The following PHF12 variants were observed in gnomAD, a reference collection of about 807,000 sequenced individuals.
The protein encoded by PHF12 is PHD finger protein 12.
Under a neutral mutation model 99.8 loss-of-function variants are expected in PHF12, and 6 were observed. The ratio of observed to expected loss-of-function variants is 0.06; its 90% CI spans 0.03 to 0.12. The LOEUF (loss-of-function observed/expected upper bound fraction) is 0.12. PHF12 is among the 10% of genes least tolerant of loss of function. The pLI is 1.00. For missense variants in PHF12, 954 were observed against 1,300.1 expected (o/e 0.73, Z 4.09); for synonymous variants, 480 against 514.9 (o/e 0.93, Z 0.92).
chr17:28,919,006 G>C, intron 6 of PHF12, 137 bp downstream of exon 6: 4 of 1,088,874 alleles, frequency 3.7e-6, no homozygotes, highest in Non-Finnish European at 5.1e-6. Context: ...TCAGAATTGA[G>C]TAGGGTGGCC....
At chr17:28,919,121 G>A in intron 6 of PHF12, 22 bp downstream of exon 6, 1 of 1,607,032 alleles carries the variant, frequency 6.2e-7, no homozygotes, top group South Asian at 1.1e-5. Flanking sequence ...ATTGAGGACT[G>A]AATGGACACT....
Position 28,906,939 on chromosome 17 carries a change from T to C in PHF12, c.2597A>G (p.Asn866Ser). ...CGAGAAGTCACATGAATACAGCACATTGTCCACCGTTGTCCCATGCTCACT... is the reference window on the plus strand; with the variant it reads ...CGAGAAGTCACATGAATACAGCACACTGTCCACCGTTGTCCCATGCTCACT... ...NYSEHGTTVD[N>S]VLYSCDFSEK... The change falls in exon 14 of 15, where the codon AAT becomes AGT. Residue 866 changes from asparagine (N) to serine (S), a missense_variant. Around this residue, in one of 8 missense-constraint regions of PHF12, gnomAD observed 13 missense variants for 43.2 expected, o/e 0.30. Coordinates refer to ENST00000332830, the MANE Select transcript of PHF12 (RefSeq NM_001033561.2). This position sits in a 1 kb window ranked among gnomAD's most constrained non-coding sequence, Gnocchi z 4.2. 1.9e-6 allele frequency: 3 copies of C among 1,613,404 alleles called. No individual in the cohort carries two copies. Among genetic ancestry groups the C allele is most frequent in the South Asian group, 1.1e-5 (1 of 91,040 alleles).
Position 28,906,784 on chromosome 17 carries a change from C to A in PHF12, c.2680+72G>T. 6.6e-7 allele frequency: 1 copy of A among 1,522,648 alleles called. No homozygotes were observed. Among genetic ancestry groups the A allele is most frequent in the Middle Eastern group, 1.8e-4 (1 of 5,552 alleles). The allele number at this position is 1,522,648 out of a possible 1,614,324, so 94.3% of individuals were successfully genotyped here. On this transcript the variant is annotated intron_variant, in intron 14 of 14. Coordinates refer to ENST00000332830, the MANE Select transcript of PHF12 (RefSeq NM_001033561.2). This position sits in a 1 kb window ranked among gnomAD's most constrained non-coding sequence, Gnocchi z 4.2. ...AGGACTGGGAAGGCAAGAGACAGAC[C>A]ATGGGCAGCAAGTCAGAACCACCCT...
rs1334726911 is a variant in PHF12 at position 28,949,092 on chromosome 17, T to A, written c.248+973A>T. On this transcript the variant is annotated intron_variant, in intron 2 of 14. Coordinates refer to ENST00000332830, the MANE Select transcript of PHF12 (RefSeq NM_001033561.2). The surrounding 1 kb of genome is among the most constrained non-coding windows in gnomAD (Gnocchi z 4.6). ...CGGTTCGGTCTCTCCCCTCCTCTCATGTCCAGTAAGGGGGAAAAAGCGTAC... is the reference window on the plus strand; with the variant it reads ...CGGTTCGGTCTCTCCCCTCCTCTCAAGTCCAGTAAGGGGGAAAAAGCGTAC... Among the ~76,000 whole-genome samples the A allele has an allele frequency of 3.9e-5, 6 of 152,074 alleles. No homozygotes were observed. The highest frequency in any genetic ancestry group is 8.8e-5 in the Non-Finnish European group (6 of 68,006).
At chr17:28,920,694 C>G (rs1480107771) in intron 5 of PHF12, among the ~76,000 whole-genome samples, 1 of 152,060 alleles carries the variant, frequency 6.6e-6, no homozygotes. Context: ...TCCTGAGTAG[C>G]TGGGACTACA....
At chr17:28,923,091 A>G (rs890526379) in intron 4 of PHF12, among the ~76,000 whole-genome samples, 1 of 152,020 alleles carries the variant, frequency 6.6e-6, no homozygotes, top group African/African-American at 2.4e-5. Flanking sequence ...CTTCTAGAAC[A>G]TATTTTAAAG....
rs1458738373 is a variant in PHF12 at position 28,920,874 on chromosome 17, A to T, written c.836+814T>A. On this transcript the variant is annotated intron_variant, in intron 5 of 14. Transcript: ENST00000332830. The stretch of plus-strand genomic sequence containing the variant: ...CCACACCGGGCCATTGTTTTTATTT[A>T]TTTTTATTTATTTTTTTGAGACGGA... 2.9e-5 allele frequency among the ~76,000 whole-genome samples: 4 copies of T among 140,338 alleles called. No individual in the cohort carries two copies. The Admixed American group carries it at 2.9e-4, about 10-fold the overall frequency. The allele number at this position is 140,338 out of a possible 152,430, so 92.1% of individuals were successfully genotyped here.
At chr17:28,941,029 G>T (rs1267721444) in intron 2 of PHF12, among the ~76,000 whole-genome samples, 1 of 148,664 alleles carries the variant, frequency 6.7e-6, no homozygotes, top group Non-Finnish European at 1.5e-5. Context: ...AGTGGAGGGG[G>T]GAAAACAGAC....
rs1161531989 is a variant in PHF12, at chr17:28,951,114, G to A, written c.-154C>T. 29 of 1,451,280 alleles carry A rather than the reference G, an allele frequency of 2.0e-5. No homozygotes were observed. The highest frequency in any genetic ancestry group is 2.4e-5 in the Non-Finnish European group (27 of 1,102,404). 89.9% of individuals were successfully genotyped at this position (1,451,280 alleles called of 1,614,324 possible). ...CGCCCTGGCTCCCCCCCACCCCCCG[G>A]CCCCCAGTCCCCGGGACGACAGCGT... On this transcript the variant is annotated 5_prime_UTR_variant, in exon 1 of 15. Transcript: ENST00000332830.
At chr17:28,928,967 G>C (rs576297760) in intron 2 of PHF12, among the ~76,000 whole-genome samples, 101 of 151,640 alleles carry the variant, frequency 6.7e-4, no homozygotes, top group African/African-American at 2.2e-3. Flanking sequence ...GTAGTGGCAC[G>C]CGCCTGTAGT....
Position 28,906,537 on chromosome 17 carries a change from T to C in PHF12, c.2681-20A>G. On this transcript the variant is annotated intron_variant, in intron 14 of 14. Coordinates refer to ENST00000332830, the MANE Select transcript of PHF12 (RefSeq NM_001033561.2). This position sits in a 1 kb window ranked among gnomAD's most constrained non-coding sequence, Gnocchi z 4.2. ...GGCGCCCTGGGAAAAAGGGGGATGG[T>C]CACAGAAGAGGAACAGTGAGCAGCC... 6.3e-7 allele frequency: 1 copy of C among 1,581,896 alleles called. No individual in the cohort carries two copies.
chr17:28,927,694 T>G (rs2040309146), intron 2 of PHF12: 1 of 152,554 alleles, frequency 6.6e-6, no homozygotes, highest in African/African-American at 2.4e-5. Context: ...TGTTGCAACT[T>G]CCAAAGCTTG....
chr17:28,939,878 G>A (rs1489989913), intron 2 of PHF12, among the ~76,000 whole-genome samples: 2 of 152,274 alleles, frequency 1.3e-5, no homozygotes, highest in South Asian at 2.1e-4. Flanking sequence ...TTGGGCTACC[G>A]TTAAATTCAA....
intron 3 of PHF12, 28 bp downstream of exon 3, chr17:28,926,963 G>C (rs1387941694): frequency 3.1e-6 from 5 of 1,611,652 alleles, no homozygotes; most frequent in African/African-American, 1.3e-5. Context: ...AGGCTTTCTG[G>C]ACAGTCTTCA....
rs1043992604 is a variant in PHF12 at position 28,949,415 on chromosome 17, G to A, written c.248+650C>T. On this transcript the variant is annotated intron_variant, in intron 2 of 14. Transcript: ENST00000332830. The surrounding 1 kb of genome is among the most constrained non-coding windows in gnomAD (Gnocchi z 4.6). Reference sequence around the variant, plus strand: ...CGAGATCCCAGACGGGGCCCCCGAGGAGCTTCTGCAGAAAGGACTCTGGGG... The same window carrying A: ...CGAGATCCCAGACGGGGCCCCCGAGAAGCTTCTGCAGAAAGGACTCTGGGG... Among the ~76,000 whole-genome samples the A allele has an allele frequency of 4.7e-4, 72 of 152,320 alleles. 1 individual carries two copies. Among genetic ancestry groups the A allele is most frequent in the African/African-American group, 1.7e-3 (69 of 41,582 alleles).
At chr17:28,936,270 T>C (rs531370163) in intron 2 of PHF12, among the ~76,000 whole-genome samples, 46 of 152,240 alleles carry the variant, frequency 3.0e-4, no homozygotes, top group African/African-American at 1.1e-3. Flanking sequence ...ACCATGTTAA[T>C]TATCCATCCA....
chr17:28,907,683 G>A lies in PHF12; in HGVS notation c.2459-11C>T, dbSNP rs2039893210. On this transcript the variant is annotated splice_polypyrimidine_tract_variant and intron_variant, in intron 12 of 14. Coordinates refer to ENST00000332830, the MANE Select transcript of PHF12 (RefSeq NM_001033561.2). Reference sequence around the variant, plus strand: ...CATCCATGTCAGCTCCTGCAAGGTGGCAGGAGTAGAGGAAAAGGAAGGCAG... The same window carrying A: ...CATCCATGTCAGCTCCTGCAAGGTGACAGGAGTAGAGGAAAAGGAAGGCAG... 1 of 1,612,692 alleles carries A rather than the reference G, an allele frequency of 6.2e-7. No individual in the cohort carries two copies. The highest frequency in any genetic ancestry group is 8.5e-7 in the Non-Finnish European group (1 of 1,178,900).
At chr17:28,943,513 C>T (rs2040659881) in intron 2 of PHF12, among the ~76,000 whole-genome samples, 1 of 152,044 alleles carries the variant, frequency 6.6e-6, no homozygotes, top group Non-Finnish European at 1.5e-5. Flanking sequence ...ATCTGTAATC[C>T]CAGCTACCCG....
Position 28,908,880 on chromosome 17 carries a change from C to T in PHF12, c.2361G>A (p.Val787=). 1.2e-6 allele frequency: 2 copies of T among 1,611,934 alleles called. No individual in the cohort carries two copies. The highest frequency in any genetic ancestry group is 1.7e-6 in the Non-Finnish European group (2 of 1,178,356). ...CTCGGGCCTGTACCTCCTTTCTTTG[C>T]ACTACAAGACAAACATAGGAATAGG... ...QLASGGHHIE[V]QRKEVQARAV... The change falls in exon 12 of 15, where the codon GTG becomes GTA. Residue 787 remains valine (V), a splice_region_variant and synonymous_variant. Coordinates refer to ENST00000332830, the MANE Select transcript of PHF12 (RefSeq NM_001033561.2).
Sources: gnomAD v4.1 joint callset for allele counts (sites outside exome capture counted in the v4.1 genomes callset) on GRCh38, gnomAD v4.1.1 for gene constraint, gnomAD v4.1.1 regional missense constraint, Gnocchi (gnomAD v3.1) non-coding constraint, MANE v1.5 for transcripts, NCBI Gene and HGNC (gene_info 2026-07-23, HGNC 2026-07-21) for gene names.